The following ADK variants were observed in gnomAD, a reference collection of about 807,000 sequenced individuals.
ADK encodes the protein adenosine kinase, also known as N6,N6-dimethyladenosine kinase.
In ADK, 24 loss-of-function variants were observed where a neutral mutation model predicts 44.7. That is an observed-to-expected ratio of 0.54 (90% CI 0.39 to 0.76). ADK has a LOEUF of 0.76. Among genes scored for constraint, ADK ranks in the 30% least tolerant of loss-of-function variants. The pLI is 0.00. For synonymous variants in ADK, 128 were observed against 142.6 expected (o/e 0.90, Z 0.73); for missense variants, 321 against 425.1 (o/e 0.76, Z 2.15).
At chr10:74,489,481 T>G (rs1385270170) in intron 6 of ADK, among the ~76,000 whole-genome samples, 1 of 151,936 alleles carries the variant, frequency 6.6e-6, no homozygotes, top group Non-Finnish European at 1.5e-5. Flanking sequence ...ACTAGACCAT[T>G]TATGTGTGTA....
chr10:74,248,807 C>T (rs1845532462), intron 3 of ADK, among the ~76,000 whole-genome samples: 1 of 152,192 alleles, frequency 6.6e-6, no homozygotes. Context: ...TCACCATGAT[C>T]ACTGACATCA....
At chr10:74,370,152 CT>C (rs1842614454) in intron 4 of ADK, among the ~76,000 whole-genome samples, 1 of 152,134 alleles carries the variant, frequency 6.6e-6, no homozygotes, top group South Asian at 2.1e-4. Context: ...ACATATGATA[CT>C]AATAGAATGA....
At chr10:74,503,867 C>T (rs1847959075) in intron 6 of ADK, among the ~76,000 whole-genome samples, 1 of 152,140 alleles carries the variant, frequency 6.6e-6, no homozygotes, top group Non-Finnish European at 1.5e-5. Flanking sequence ...ATTTTATCTC[C>T]AGGGCACCCA....
chr10:74,332,984 T>C (rs1841272079), intron 4 of ADK, among the ~76,000 whole-genome samples: 1 of 152,152 alleles, frequency 6.6e-6, no homozygotes, highest in African/African-American at 2.4e-5. Flanking sequence ...TTACTACTGT[T>C]CCTCTTAAGA....
rs933852835 is a variant in ADK, at chr10:74,541,797, C to A, written c.726+16371C>A. On this transcript the variant is annotated intron_variant, in intron 7 of 10. Coordinates refer to ENST00000539909, the MANE Select transcript of ADK (RefSeq NM_006721.4). ...TACAGAACGAGAACCCCCACACACCCCCCCCCCCTAAAAAAAAACAACACA... is the reference window on the plus strand; with the variant it reads ...TACAGAACGAGAACCCCCACACACCACCCCCCCCTAAAAAAAAACAACACA... 1.9e-4 allele frequency among the ~76,000 whole-genome samples: 24 copies of A among 125,092 alleles called. 1 individual carries two copies. Among genetic ancestry groups the A allele is most frequent in the African/African-American group, 4.0e-4 (13 of 32,176 alleles). The allele number at this position is 125,092 out of a possible 152,430, so 82.1% of individuals were successfully genotyped here.
At chr10:74,555,900 A>C (rs113400437) in intron 7 of ADK, among the ~76,000 whole-genome samples, 1 of 152,064 alleles carries the variant, frequency 6.6e-6, no homozygotes, top group African/African-American at 2.4e-5. Flanking sequence ...AGGCAGAGCA[A>C]TTTTCCTATT....
intron 1 of ADK, among the ~76,000 whole-genome samples, chr10:74,167,758 T>C (rs1842068591): frequency 6.6e-6 from 1 of 152,238 alleles, no homozygotes; most frequent in African/African-American, 2.4e-5. Context: ...GAAGGGAACA[T>C]AGACTTCTTG....
intron 6 of ADK, among the ~76,000 whole-genome samples, chr10:74,455,399 G>A (rs553671836): frequency 6.6e-6 from 1 of 152,246 alleles, no homozygotes; most frequent in Admixed American, 6.5e-5. Flanking sequence ...GGGAGGCCAA[G>A]GCAGGAGGAT....
chr10:74,171,895 G>A (rs1842171011), intron 1 of ADK, among the ~76,000 whole-genome samples: 1 of 151,712 alleles, frequency 6.6e-6, no homozygotes, highest in Non-Finnish European at 1.5e-5. Context: ...TGAAAGGCTG[G>A]GGAAGGGAAG....
intron 6 of ADK, among the ~76,000 whole-genome samples, chr10:74,469,362 T>A (rs1846475640): frequency 6.6e-6 from 1 of 152,054 alleles, no homozygotes; most frequent in Admixed American, 6.6e-5. Context: ...TTTTTAACCT[T>A]TTAATTTATT....
chr10:74,609,161 T>TA (rs1456720238), intron 9 of ADK, among the ~76,000 whole-genome samples: 1 of 152,156 alleles, frequency 6.6e-6, no homozygotes, highest in Non-Finnish European at 1.5e-5. Flanking sequence ...CAGTGGATCT[T>TA]AGCTTGCTGG....
chr10:74,509,108 G>C (rs945327583), intron 6 of ADK, among the ~76,000 whole-genome samples: 1 of 152,046 alleles, frequency 6.6e-6, no homozygotes, highest in Non-Finnish European at 1.5e-5. Context: ...GGAACTACAG[G>C]TGCATGCAGC....
intron 3 of ADK, among the ~76,000 whole-genome samples, chr10:74,312,730 G>A (rs1162368098): frequency 6.8e-6 from 1 of 148,084 alleles, no homozygotes; most frequent in African/African-American, 2.5e-5. Context: ...ACATGGTGAA[G>A]CCTGTCTCTA....
At chr10:74,395,201 T>C (rs1166450058) in intron 5 of ADK, among the ~76,000 whole-genome samples, 1 of 152,142 alleles carries the variant, frequency 6.6e-6, no homozygotes, top group Non-Finnish European at 1.5e-5. Context: ...CCTATCTCCT[T>C]TCTTTTCCCA....
intron 9 of ADK, among the ~76,000 whole-genome samples, chr10:74,636,215 G>A (rs1406392170): frequency 6.6e-6 from 1 of 152,118 alleles, no homozygotes; most frequent in African/African-American, 2.4e-5. Flanking sequence ...AAGTATTCCT[G>A]TGTGACTAGT....
intron 7 of ADK, among the ~76,000 whole-genome samples, chr10:74,573,564 G>A (rs999035699): frequency 1.3e-5 from 2 of 152,228 alleles, no homozygotes; most frequent in Non-Finnish European, 2.9e-5. Context: ...TAAGTCTGCA[G>A]AGGTTACTGC....
intron 7 of ADK, chr10:74,529,298 G>A (rs1849187511): frequency 6.6e-6 from 1 of 152,212 alleles, no homozygotes; most frequent in South Asian, 2.1e-4. Flanking sequence ...CTTACAAGAA[G>A]TATCTAGAAT....
At chr10:74,358,035 T>C (rs1842203992) in intron 4 of ADK, among the ~76,000 whole-genome samples, 1 of 152,224 alleles carries the variant, frequency 6.6e-6, no homozygotes, top group Non-Finnish European at 1.5e-5. Flanking sequence ...TAGAATTTTT[T>C]AACTAATCAT....
intron 2 of ADK, among the ~76,000 whole-genome samples, chr10:74,211,661 C>T (rs1013104971): frequency 6.6e-6 from 1 of 152,150 alleles, no homozygotes; most frequent in African/African-American, 2.4e-5. Context: ...TGTTGTGTAT[C>T]TGTGCTATCC....
Sources: gnomAD v4.1 joint callset for allele counts (sites outside exome capture counted in the v4.1 genomes callset) on GRCh38, gnomAD v4.1.1 for gene constraint, MANE v1.5 for transcripts, NCBI Gene and HGNC (gene_info 2026-07-23, HGNC 2026-07-21) for gene names.